Variants in SACS observed in about 807,000 individuals in gnomAD.
SACS encodes the protein sacsin molecular chaperone.
In SACS, 197 loss-of-function variants were observed where a neutral mutation model predicts 348.0. The observed-to-expected ratio is 0.57, with a 90% CI of 0.50 to 0.64. The LOEUF (loss-of-function observed/expected upper bound fraction) is 0.64, where lower values mean the gene tolerates loss of function less well. SACS is among the 30% of genes least tolerant of loss of function. The pLI is 0.00. For synonymous variants in SACS, 1,985 were observed against 1,910.6 expected, an observed-to-expected ratio of 1.04 and a Z score of -1.02; for missense variants, 4,999 against 5,360.8, an observed-to-expected ratio of 0.93 and a Z score of 2.11.
chr13:23,335,651 T>C lies in SACS; in HGVS notation c.8225A>G (p.Asn2742Ser). The C allele has an allele frequency of 6.2e-7, 1 of 1,614,004 alleles. No homozygotes were observed. The highest frequency in any genetic ancestry group is 8.5e-7 in the Non-Finnish European group (1 of 1,179,896). ...SDGAELLMFL[N>S]HMEKISICEI... ...ACAAATAGAAATTTTTTCCATGTGA[T>C]TAAGAAACATTAGAAGTTCTGCCCC... is the stretch of plus-strand genomic sequence containing the variant. The change falls in exon 10 of 10, where the codon AAT (asparagine) becomes AGT (serine). Residue 2742 changes from asparagine to serine, a missense_variant. Asn to Ser is a conservative substitution (Grantham distance 46). This residue lies in a region of SACS where 3,156 missense variants were observed against 3,380.1 expected (regional missense o/e 0.93). Coordinates refer to ENST00000382292, the MANE Select transcript of SACS (RefSeq NM_014363.6). This position sits in a 1 kb window ranked among gnomAD's most constrained non-coding sequence, Gnocchi z 4.7.
intron 2 of SACS, among the ~76,000 whole-genome samples, chr13:23,410,265 A>G (rs1046173062): frequency 1.3e-5 from 2 of 152,222 alleles, no homozygotes; most frequent in Non-Finnish European, 2.9e-5. Context: ...AAACAATGAA[A>G]TATTTCAATC....
chr13:23,358,431 GC>G lies in SACS; in HGVS notation c.507del (p.Trp169CysfsTer7). The G allele has an allele frequency of 6.2e-7, 1 of 1,614,112 alleles. No individual in the cohort carries two copies. Among genetic ancestry groups the G allele is most frequent in the Non-Finnish European group, 8.5e-7 (1 of 1,179,998 alleles). On this transcript the variant is annotated frameshift_variant, in exon 7 of 10. Coordinates refer to ENST00000382292, the MANE Select transcript of SACS (RefSeq NM_014363.6). LOFTEE classifies it high-confidence loss of function. ...CTTCTTGCTATTTCTTGAATGCCGT[GC>G]CAGTCCTCTGGGGTGAAAACCGCGT... is the stretch of plus-strand genomic sequence containing the variant. Reference protein sequence around the residue: ...YNNAVFTPEDWHGIQEIARSR... With the variant: ...YNNAVFTPEDXHGIQEIARSR...
chr13:23,369,694 G>A (rs553010357), intron 4 of SACS, among the ~76,000 whole-genome samples: 250 of 151,956 alleles, frequency 1.6e-3, no homozygotes, highest in African/African-American at 5.9e-3. Flanking sequence ...ACAGGTGCCC[G>A]CCACCATACC....
chr13:23,400,824 C>CCCAA (rs1160840932), intron 2 of SACS, among the ~76,000 whole-genome samples: 8 of 152,234 alleles, frequency 5.3e-5, no homozygotes, highest in Admixed American at 3.3e-4. Flanking sequence ...TTTTGCCTTC[C>CCCAA]CCAAATCAAA....
Position 23,355,724 on chromosome 13 carries a change from AAAC to A in SACS, c.885_887del (p.Leu295del), listed in dbSNP as rs1477541393. 6.2e-7 allele frequency: 1 copy of A among 1,614,238 alleles called. No individual in the cohort carries two copies. Among genetic ancestry groups the A allele is most frequent in the Non-Finnish European group, 8.5e-7 (1 of 1,180,046 alleles). On this transcript the variant is annotated inframe_deletion, in exon 8 of 10. Transcript: ENST00000382292. The stretch of plus-strand genomic sequence containing the variant: ...TGTCTGCATCTGCCCTAAAAGACTC[AAAC>A]AACTCAAGAACCTTCTGCTTATTGT...
intron 4 of SACS, among the ~76,000 whole-genome samples, chr13:23,370,488 C>T (rs952556237): frequency 2.8e-4 from 43 of 152,256 alleles, no homozygotes; most frequent in African/African-American, 1.0e-3. Context: ...TCTACCCTAC[C>T]CACTTAGTAA....
intron 2 of SACS, among the ~76,000 whole-genome samples, chr13:23,408,597 G>A (rs998893942): frequency 2.0e-5 from 3 of 152,188 alleles, no homozygotes; most frequent in Non-Finnish European, 4.4e-5. Context: ...CTGTGACTCT[G>A]AGCATGCCCC....
chr13:23,358,601 A>T (rs944603491), intron 6 of SACS, 120 bp from the exon 7 acceptor site: 2 of 1,024,754 alleles, frequency 2.0e-6, no homozygotes, highest in Non-Finnish European at 3.0e-6. Context: ...GAGTGAATAG[A>T]GTGACTGAAT....
chr13:23,427,182 A>G (rs1874222225), intron 1 of SACS: 1 of 152,256 alleles, frequency 6.6e-6, no homozygotes, highest in Non-Finnish European at 1.5e-5. Flanking sequence ...AGTCAACTGC[A>G]GACGGTTTTT....
rs558788202 is a variant in SACS, at chr13:23,400,581, C to A, written c.20+10639G>T. ...GCCTACAGGTGCCCGCCACCACACCCGGCTAATTTTTTGTATTTTTAGTAG... is the reference window on the plus strand; with the variant it reads ...GCCTACAGGTGCCCGCCACCACACCAGGCTAATTTTTTGTATTTTTAGTAG... On this transcript the variant is annotated intron_variant, in intron 2 of 9. Transcript: ENST00000382292. 2.2e-3 allele frequency among the ~76,000 whole-genome samples: 331 copies of A among 152,266 alleles called. 1 individual carries two copies. Among genetic ancestry groups the A allele is most frequent in the African/African-American group, 7.6e-3 (316 of 41,556 alleles).
intron 1 of SACS, chr13:23,427,385 C>G (rs971440043): frequency 5.3e-5 from 8 of 152,234 alleles, no homozygotes; most frequent in Non-Finnish European, 8.8e-5. Context: ...GAACCTCAAG[C>G]CACTGCCCAC....
chr13:23,407,459 A>G (rs372548875), intron 2 of SACS, among the ~76,000 whole-genome samples: 4 of 152,182 alleles, frequency 2.6e-5, no homozygotes, highest in African/African-American at 9.7e-5. Flanking sequence ...TCGGCCTCCC[A>G]AAGTGCTGGG....
intron 2 of SACS, among the ~76,000 whole-genome samples, chr13:23,409,648 C>A (rs2137957794): frequency 6.6e-6 from 1 of 152,056 alleles, no homozygotes; most frequent in East Asian, 1.9e-4. Context: ...ATAAACCAGC[C>A]TGGTTTGATA....
intron 1 of SACS, among the ~76,000 whole-genome samples, chr13:23,414,601 A>T (rs1420129500): frequency 6.6e-6 from 1 of 152,236 alleles, no homozygotes; most frequent in South Asian, 2.1e-4. Flanking sequence ...AATTAACTTC[A>T]TATCACCAGG....
Position 23,335,325 on chromosome 13 carries a change from C to A in SACS, c.8551G>T (p.Gly2851Cys). 1 of 1,613,868 alleles carries A rather than the reference C, an allele frequency of 6.2e-7. No homozygotes were observed. The highest frequency in any genetic ancestry group is 8.5e-7 in the Non-Finnish European group (1 of 1,179,864). Residue 2851 changes from glycine (G) to cysteine (C), a missense_variant, in exon 10 of 10, where the codon GGT (glycine) becomes TGT (cysteine). Gly to Cys is a radical substitution (Grantham distance 159, BLOSUM62 -3). Around this residue, in one of 6 missense-constraint regions of SACS, gnomAD observed 3,156 missense variants for 3,380.1 expected, o/e 0.93. Transcript: ENST00000382292. This position sits in a 1 kb window ranked among gnomAD's most constrained non-coding sequence, Gnocchi z 4.7. ...TGAGTAATGCAGGCAGCTACTCCAC[C>A]ACGTGGGAAAAGAGTAATATCTTGG... ...KNQDITLFPRGGVAACITHNY... is the reference protein window; with the variant it reads ...KNQDITLFPRCGVAACITHNY...
chr13:23,340,189 T>C lies in SACS; in HGVS notation c.3687A>G (p.Lys1229=). The C allele has an allele frequency of 6.2e-7, 1 of 1,612,030 alleles. No homozygotes were observed. Among genetic ancestry groups the C allele is most frequent in the Non-Finnish European group, 8.5e-7 (1 of 1,178,838 alleles). ...PSLSAVLKHF[K]IVVDWYSSKT... is the part of the protein sequence containing the mutation. ...TTGAAGAATACCAATCAACAACAAT[T>C]TTAAAGTGTTTTAAGACAGCACTAA... The change falls in exon 10 of 10, where the codon AAA becomes AAG. Residue 1229 remains lysine, a synonymous_variant. Coordinates refer to ENST00000382292, the MANE Select transcript of SACS (RefSeq NM_014363.6).
intron 9 of SACS, among the ~76,000 whole-genome samples, chr13:23,348,726 A>G (rs1337804256): frequency 6.6e-6 from 1 of 152,214 alleles, no homozygotes; most frequent in African/African-American, 2.4e-5. Flanking sequence ...AATAAACATT[A>G]GCTGGGCAAA....
chr13:23,411,355 G>A lies in SACS; in HGVS notation c.-116C>T. On this transcript the variant is annotated 5_prime_UTR_variant, in exon 2 of 10. Transcript: ENST00000382292. The stretch of plus-strand genomic sequence containing the variant: ...GTGTACTCCAAGTTCAGCTCTTCCT[G>A]CCAGGTGGAAAAAAAGCCTGTTTTT... 5 of 952,240 alleles carry A rather than the reference G, an allele frequency of 5.3e-6. No individual in the cohort carries two copies. In the South Asian group the frequency reaches 6.9e-5, roughly 13 times the overall value. The allele number at this position is 952,240 out of a possible 1,614,324, so 59.0% of individuals were successfully genotyped here.
intron 1 of SACS, among the ~76,000 whole-genome samples, chr13:23,424,766 G>A (rs559479037): frequency 4.6e-5 from 7 of 152,180 alleles, no homozygotes; most frequent in East Asian, 3.9e-4. Flanking sequence ...TACTAATAAC[G>A]AAAACCAAGC....
Sources: allele counts gnomAD v4.1 joint callset (sites outside exome capture counted in the v4.1 genomes callset), GRCh38; gene constraint gnomAD v4.1.1; regional missense constraint gnomAD v4.1.1; non-coding constraint Gnocchi (gnomAD v3.1); transcripts MANE v1.5; gene names NCBI Gene and HGNC (gene_info 2026-07-23, HGNC 2026-07-21).